SGCZ: variants seen among roughly 807,000 people sequenced by gnomAD.
SGCZ encodes the protein zeta-sarcoglycan.
SGCZ carries 40 observed loss-of-function variants against 41.3 expected under a neutral mutation model. The ratio of observed to expected loss-of-function variants is 0.97; its 90% confidence interval spans 0.75 to 1.26. The LOEUF (loss-of-function observed/expected upper bound fraction) is 1.26. SGCZ is among the 50% of genes most tolerant of loss of function. The probability of loss-of-function intolerance (pLI) is 0.00; values close to 1 mark genes in which losing one functional copy is unlikely to be tolerated. For missense variants in SGCZ, 552 were observed against 369.8 expected (o/e 1.49, Z -4.04); for synonymous variants, 206 against 137.5 (o/e 1.50, Z -3.49).
At chr8:14,826,323 C>T (rs1802313705) in intron 1 of SGCZ, among the ~76,000 whole-genome samples, 1 of 152,080 alleles carries the variant, frequency 6.6e-6, no homozygotes, top group Non-Finnish European at 1.5e-5. Context: ...TTTCTTAATC[C>T]AGTCTATCAT....
intron 3 of SGCZ, among the ~76,000 whole-genome samples, chr8:14,321,573 C>G (rs1244553126): frequency 6.6e-6 from 1 of 152,028 alleles, no homozygotes; most frequent in East Asian, 1.9e-4. Context: ...TTCTGTATGT[C>G]AGAGTGAAAT....
chr8:14,324,139 T>G lies in SGCZ; in HGVS notation c.300A>C (p.Leu100=), dbSNP rs748898153. 3.7e-6 allele frequency: 6 copies of G among 1,613,012 alleles called. No homozygotes were observed. Among genetic ancestry groups the G allele is most frequent in the Non-Finnish European group, 5.1e-6 (6 of 1,179,452 alleles). Residue 100 remains leucine, a synonymous_variant, in exon 3 of 8, where the codon CTA becomes CTC. Coordinates refer to ENST00000382080, the MANE Select transcript of SGCZ (RefSeq NM_139167.4). The stretch of plus-strand genomic sequence containing the variant: ...GAATTTCTTTCACATACAATGGAAG[T>G]AGAAACTCAGATATACCTTCAAGTC... ...GIRLEGISEF[L]LPLYVKEIHS...
chr8:14,943,342 C>T (rs1389201468), intron 1 of SGCZ, among the ~76,000 whole-genome samples: 6 of 152,160 alleles, frequency 3.9e-5, no homozygotes, highest in Non-Finnish European at 7.4e-5. Flanking sequence ...ACTTCGGTTG[C>T]TCCAAAACTG....
chr8:14,961,456 G>A (rs1035892393), intron 1 of SGCZ, among the ~76,000 whole-genome samples: 2 of 151,974 alleles, frequency 1.3e-5, no homozygotes, highest in African/African-American at 4.8e-5. Context: ...AGCTACCGTG[G>A]TACCATACAA....
At chr8:14,678,682 A>T (rs1585176115) in intron 1 of SGCZ, among the ~76,000 whole-genome samples, 1 of 152,196 alleles carries the variant, frequency 6.6e-6, no homozygotes, top group East Asian at 1.9e-4. Flanking sequence ...ATCGTGCTCC[A>T]CGGTCTTCCT....
chr8:14,220,256 T>C (rs568881749), intron 4 of SGCZ, among the ~76,000 whole-genome samples: 2 of 152,288 alleles, frequency 1.3e-5, no homozygotes, highest in Admixed American at 1.3e-4. Flanking sequence ...TATTTATGAA[T>C]GGAACTACCA....
rs143372846 is a variant in SGCZ, at chr8:14,297,013, C to T, written c.336+27090G>A. On this transcript the variant is annotated intron_variant, in intron 3 of 7. Transcript: ENST00000382080. ...CTCAGCTCACTGCAACCTCCTCCTCCCAGGTTCAAACGATTCTCCTGTCTC... is the reference window on the plus strand; with the variant it reads ...CTCAGCTCACTGCAACCTCCTCCTCTCAGGTTCAAACGATTCTCCTGTCTC... 7.3e-4 allele frequency among the ~76,000 whole-genome samples: 111 copies of T among 152,166 alleles called. 1 individual carries two copies. Among genetic ancestry groups the T allele is most frequent in the African/African-American group, 2.5e-3 (102 of 41,516 alleles).
At chr8:14,395,318 TA>T (rs2117228953) in intron 2 of SGCZ, among the ~76,000 whole-genome samples, 1 of 152,106 alleles carries the variant, frequency 6.6e-6, no homozygotes, top group South Asian at 2.1e-4. Context: ...AATAAAAGAG[TA>T]GGATTCTGAA....
rs78429703 is a variant in SGCZ at position 14,601,251 on chromosome 8, G to A, written c.40-46325C>T. ...AATGTATACATTCAATATTTTTGACGGACAGGTAGCTTGTTTTTATTTCTT... is the reference window on the plus strand; with the variant it reads ...AATGTATACATTCAATATTTTTGACAGACAGGTAGCTTGTTTTTATTTCTT... On this transcript the variant is annotated intron_variant, in intron 1 of 7. Transcript: ENST00000382080. 3.3e-3 allele frequency among the ~76,000 whole-genome samples: 496 copies of A among 151,814 alleles called. 7 individuals are homozygous for A. The highest frequency in any genetic ancestry group is 0.011 in the African/African-American group (442 of 41,410).
intron 1 of SGCZ, among the ~76,000 whole-genome samples, chr8:14,797,451 C>T (rs2130489813): frequency 6.6e-6 from 1 of 152,254 alleles, no homozygotes; most frequent in South Asian, 2.1e-4. Flanking sequence ...CTCTGTGTAA[C>T]ACTGAACTTG....
intron 1 of SGCZ, among the ~76,000 whole-genome samples, chr8:14,915,508 C>CAAGTTCCAGAAGGAA (rs1417458414): frequency 6.6e-6 from 1 of 152,072 alleles, no homozygotes; most frequent in Non-Finnish European, 1.5e-5. Context: ...GGAACCAGGG[C>CAAGTTCCAGAAGGAA]CTAGACATGT....
At chr8:14,593,186 T>C (rs904775916) in intron 1 of SGCZ, among the ~76,000 whole-genome samples, 15 of 152,132 alleles carry the variant, frequency 9.9e-5, no homozygotes, top group African/African-American at 3.4e-4. Context: ...TTAGATATCT[T>C]GATAGAGTTT....
Position 14,454,757 on chromosome 8 carries a change from A to T in SGCZ, c.234+99975T>A, listed in dbSNP as rs1034383636. Among the ~76,000 whole-genome samples the T allele has an allele frequency of 3.9e-5, 6 of 152,206 alleles. No homozygotes were observed. The East Asian group carries it at 1.2e-3, about 29-fold the overall frequency. ...CAAATGTACCTTTGTATAAAGGATA[A>T]GTGACATTTCAAATCACTAACATAA... On this transcript the variant is annotated intron_variant, in intron 2 of 7. Transcript: ENST00000382080.
intron 4 of SGCZ, among the ~76,000 whole-genome samples, chr8:14,224,955 A>C (rs1464714582): frequency 6.6e-6 from 1 of 152,158 alleles, no homozygotes; most frequent in Non-Finnish European, 1.5e-5. Context: ...TTTGGTGTTC[A>C]TCATTTTCTA....
intron 2 of SGCZ, among the ~76,000 whole-genome samples, chr8:14,484,001 C>T (rs937780542): frequency 2.6e-5 from 4 of 152,132 alleles, no homozygotes; most frequent in African/African-American, 9.7e-5. Flanking sequence ...CAACTTTTTG[C>T]AGTTTCTACA....
At chr8:14,742,204 G>C (rs1799215678) in intron 1 of SGCZ, among the ~76,000 whole-genome samples, 1 of 152,062 alleles carries the variant, frequency 6.6e-6, no homozygotes, top group African/African-American at 2.4e-5. Context: ...TCTGCCGTCA[G>C]TCTAATGATC....
At chr8:15,215,490 C>T (rs973739333) in intron 1 of SGCZ, among the ~76,000 whole-genome samples, 2 of 152,180 alleles carry the variant, frequency 1.3e-5, no homozygotes, top group Non-Finnish European at 2.9e-5. Context: ...CACACACCTA[C>T]ATCTGTCTAT....
intron 1 of SGCZ, among the ~76,000 whole-genome samples, chr8:15,037,617 T>C (rs1364908205): frequency 6.6e-6 from 1 of 152,164 alleles, no homozygotes; most frequent in African/African-American, 2.4e-5. Context: ...CTGAAAGTAC[T>C]AGCCAGAGAA....
intron 1 of SGCZ, among the ~76,000 whole-genome samples, chr8:15,161,853 G>A (rs1799519835): frequency 6.6e-6 from 1 of 152,100 alleles, no homozygotes; most frequent in African/African-American, 2.4e-5. Context: ...TGGGCAACAT[G>A]ACGAAACCCC....
Sources: gnomAD v4.1 joint callset for allele counts (sites outside exome capture counted in the v4.1 genomes callset) on GRCh38, gnomAD v4.1.1 for gene constraint, MANE v1.5 for transcripts, NCBI Gene and HGNC (gene_info 2026-07-23, HGNC 2026-07-21) for gene names.